The following RSBN1L variants were observed in gnomAD, a reference collection of about 807,000 sequenced individuals.
RSBN1L encodes round spermatid basic protein 1 like, also known as lysine-specific demethylase RSBN1L.
A neutral mutation model predicts 67.7 loss-of-function variants in RSBN1L; 30 were observed. The ratio of observed to expected loss-of-function variants is 0.44; its 90% CI spans 0.33 to 0.60. The LOEUF (loss-of-function observed/expected upper bound fraction) is 0.60. RSBN1L is among the 20% of genes least tolerant of loss of function. The pLI is 0.02. For synonymous variants in RSBN1L, 433 were observed against 387.0 expected (o/e 1.12, Z -1.39); for missense variants, 992 against 1,031.7 (o/e 0.96, Z 0.53).
At position 77,778,726 on chromosome 7, in the gene RSBN1L, C is replaced by T; in HGVS notation, c.2099C>T (p.Ser700Phe). The part of the protein sequence containing the change: ...LKLYHSEEDT[S>F]QNTATHETGT... Reference sequence around the variant, plus strand: ...TTATATCACTCAGAGGAGGACACTTCTCAGAATACAGCTACTCATGAAACA... The same window carrying T: ...TTATATCACTCAGAGGAGGACACTTTTCAGAATACAGCTACTCATGAAACA... The change falls in exon 8 of 8, where the codon TCT (serine) becomes TTT (phenylalanine). Residue 700 changes from serine to phenylalanine, a missense_variant. Ser to Phe is a radical substitution (Grantham distance 155). Transcript: ENST00000334955. 1 of 1,614,088 alleles carries T rather than the reference C, an allele frequency of 6.2e-7. No individual in the cohort carries two copies. Among genetic ancestry groups the T allele is most frequent in the Non-Finnish European group, 8.5e-7 (1 of 1,179,980 alleles).
chr7:77,707,102 C>T (rs866166414), intron 1 of RSBN1L, among the ~76,000 whole-genome samples: 3 of 149,650 alleles, frequency 2.0e-5, no homozygotes, highest in South Asian at 2.1e-4. Flanking sequence ...TGGCTCATTG[C>T]GACCTCTGCC....
In RSBN1L at chr7:77,696,867, C is replaced by G. The variant is rs1173750595; in HGVS notation, c.398C>G (p.Thr133Arg). The G allele has an allele frequency of 6.2e-7, 1 of 1,610,974 alleles. No homozygotes were observed. Among genetic ancestry groups the G allele is most frequent in the South Asian group, 1.1e-5 (1 of 91,078 alleles). Reference sequence around the variant, plus strand: ...CCGCGCAAACTGCTGGTCCCTCCTACGCTGCTGCACGCTCAGCCTCACCAT... The same window carrying G: ...CCGCGCAAACTGCTGGTCCCTCCTAGGCTGCTGCACGCTCAGCCTCACCAT... Reference protein sequence around the residue: ...PVPRKLLVPPTLLHAQPHHLL... With the variant: ...PVPRKLLVPPRLLHAQPHHLL... The change falls in exon 1 of 8, where the codon ACG becomes AGG. Residue 133 changes from threonine (T) to arginine (R), a missense_variant. Transcript: ENST00000334955.
At chr7:77,776,281 C>T (rs1419048429) in intron 6 of RSBN1L, among the ~76,000 whole-genome samples, 4 of 152,250 alleles carry the variant, frequency 2.6e-5, no homozygotes, top group South Asian at 2.1e-4. Context: ...GCTATGATCA[C>T]GTATCATACA....
At chr7:77,709,494 T>C (rs887686906) in intron 1 of RSBN1L, among the ~76,000 whole-genome samples, 4 of 152,104 alleles carry the variant, frequency 2.6e-5, no homozygotes, top group African/African-American at 7.2e-5. Context: ...TTCACCATAA[T>C]GGCCAGGCTG....
chr7:77,768,771 T>C lies in RSBN1L; in HGVS notation c.1593T>C (p.Ala531=), dbSNP rs1288043083. 2 of 1,614,082 alleles carry C rather than the reference T, an allele frequency of 1.2e-6. 1 individual carries two copies. The highest frequency in any genetic ancestry group is 1.7e-6 in the Non-Finnish European group (2 of 1,179,950). The change falls in exon 5 of 8, where the codon GCT becomes GCC. Residue 531 remains alanine, a synonymous_variant. Coordinates refer to ENST00000334955, the MANE Select transcript of RSBN1L (RefSeq NM_198467.3). ...CAGGAGAACAAATGATCCCTGTGGC[T>C]GATATGCCAAAGTCACCTTTCAAAA... is the stretch of plus-strand genomic sequence containing the variant. The part of the protein sequence containing the change: ...VRPGEQMIPV[A]DMPKSPFKRK...
intron 1 of RSBN1L, among the ~76,000 whole-genome samples, chr7:77,732,165 A>G (rs1791279835): frequency 6.6e-6 from 1 of 152,188 alleles, no homozygotes; most frequent in South Asian, 2.1e-4. Flanking sequence ...CAAGCCTGAG[A>G]TTAAACTGTG....
intron 1 of RSBN1L, among the ~76,000 whole-genome samples, chr7:77,699,455 A>T (rs1790784832): frequency 6.6e-6 from 1 of 152,232 alleles, no homozygotes; most frequent in African/African-American, 2.4e-5. Context: ...AACAGAACGT[A>T]TTTGGGTTAA....
At chr7:77,723,619 C>T (rs1584282330) in intron 1 of RSBN1L, among the ~76,000 whole-genome samples, 1 of 151,974 alleles carries the variant, frequency 6.6e-6, no homozygotes, top group East Asian at 2.0e-4. Context: ...CAGGCATGTA[C>T]CACCATGCCC....
chr7:77,770,253 T>C (rs1791829222), intron 5 of RSBN1L, among the ~76,000 whole-genome samples: 1 of 152,118 alleles, frequency 6.6e-6, no homozygotes, highest in South Asian at 2.1e-4. Flanking sequence ...GACATGACTG[T>C]AATCCCAGCT....
intron 1 of RSBN1L, among the ~76,000 whole-genome samples, chr7:77,711,299 TA>T (rs1205189199): frequency 6.6e-6 from 1 of 151,432 alleles, no homozygotes; most frequent in African/African-American, 2.4e-5. Flanking sequence ...CTACATTGTA[TA>T]AAAAAGATAT....
chr7:77,725,244 CTTT>C (rs779531960), intron 1 of RSBN1L, among the ~76,000 whole-genome samples: 10 of 73,640 alleles, frequency 1.4e-4, no homozygotes, highest in East Asian at 3.5e-4. Flanking sequence ...AAGCCCCCCA[CTTT>C]TTTTTTTTTT....
At chr7:77,757,506 A>G (rs1584298445) in intron 3 of RSBN1L, among the ~76,000 whole-genome samples, 2 of 152,238 alleles carry the variant, frequency 1.3e-5, no homozygotes, top group East Asian at 3.8e-4. Context: ...AAAGTTTGTA[A>G]CCTGTCCATA....
rs145676646 is a variant in RSBN1L, at chr7:77,741,773, G to A, written c.703+5247G>A. Among the ~76,000 whole-genome samples, 1,079 of 151,954 alleles carry A rather than the reference G, an allele frequency of 7.1e-3. 40 individuals carry two copies. The highest frequency in any genetic ancestry group is 0.059 in the Admixed American group (905 of 15,260). On this transcript the variant is annotated intron_variant, in intron 2 of 7. Transcript: ENST00000334955. ...TCTTTAGTGTAGGAGAAGCAAATTG[G>A]TATTTAAAATGGCCTTTTTCCTTAT...
At chr7:77,714,184 G>A (rs569599819) in intron 1 of RSBN1L, among the ~76,000 whole-genome samples, 94 of 152,188 alleles carry the variant, frequency 6.2e-4, no homozygotes, top group African/African-American at 2.1e-3. Context: ...CAAAAATCCC[G>A]ATATTCTTAT....
intron 3 of RSBN1L, among the ~76,000 whole-genome samples, chr7:77,759,018 T>C (rs1170152688): frequency 1.3e-5 from 2 of 152,234 alleles, no homozygotes; most frequent in African/African-American, 4.8e-5. Context: ...AGGTAACTTA[T>C]GTCAAAGTGT....
intron 1 of RSBN1L, among the ~76,000 whole-genome samples, chr7:77,715,129 A>C (rs532905210): frequency 6.7e-6 from 1 of 150,330 alleles, no homozygotes; most frequent in South Asian, 2.1e-4. Context: ...AAAATTAGTC[A>C]GGTGTGGTGG....
intron 1 of RSBN1L, among the ~76,000 whole-genome samples, chr7:77,697,953 A>G (rs1584269691): frequency 6.6e-6 from 1 of 152,240 alleles, no homozygotes; most frequent in Non-Finnish European, 1.5e-5. Context: ...TTGAAAATCA[A>G]ATCTTTATGT....
intron 1 of RSBN1L, among the ~76,000 whole-genome samples, chr7:77,729,798 T>TA (rs1297181690): frequency 6.6e-6 from 1 of 151,858 alleles, no homozygotes; most frequent in South Asian, 2.1e-4. Context: ...TACAGAAAAT[T>TA]AAAAAATTAG....
chr7:77,698,190 A>T (rs190031672), intron 1 of RSBN1L, among the ~76,000 whole-genome samples: 3 of 152,304 alleles, frequency 2.0e-5, no homozygotes, highest in South Asian at 2.1e-4. Flanking sequence ...TTCTTCCTTG[A>T]TATTTTTTGC....
Sources: gnomAD v4.1 joint callset for allele counts (sites outside exome capture counted in the v4.1 genomes callset) on GRCh38, gnomAD v4.1.1 for gene constraint, MANE v1.5 for transcripts, NCBI Gene and HGNC (gene_info 2026-07-23, HGNC 2026-07-21) for gene names.